Variants in DSCAML1 observed in about 807,000 individuals in gnomAD.
DSCAML1 encodes the protein cell adhesion molecule DSCAML1.
DSCAML1 carries 38 observed loss-of-function variants against 200.5 expected under a neutral mutation model. The observed-to-expected ratio is 0.19, with a 90% CI of 0.15 to 0.25. The LOEUF is 0.25. DSCAML1 is among the 10% of genes least tolerant of loss of function. The pLI is 1.00. For missense variants in DSCAML1, 2,223 were observed against 2,858.8 expected (o/e 0.78, Z 5.07); for synonymous variants, 1,215 against 1,165.0 (o/e 1.04, Z -0.87).
intron 3 of DSCAML1, among the ~76,000 whole-genome samples, chr11:117,745,794 G>A (rs1424225435): frequency 2.0e-5 from 3 of 152,204 alleles, no homozygotes; most frequent in African/African-American, 7.2e-5. Context: ...GTGACTGTAA[G>A]CAAGTTCCTT....
At position 117,503,780 on chromosome 11, in the gene DSCAML1, G is replaced by A. The variant is rs2049441026; in HGVS notation, c.2359+65C>T. ...CGGAGACTAAGAGAGTAGGCAGGGA[G>A]AGTGCAGAGCCGGGGCTTGGCTGTG... On this transcript the variant is annotated intron_variant, in intron 11 of 32. Coordinates refer to ENST00000651296, the MANE Select transcript of DSCAML1 (RefSeq NM_020693.4). The surrounding 1 kb of genome is among the most constrained non-coding windows in gnomAD (Gnocchi z 5.2). 3 of 1,514,698 alleles carry A rather than the reference G, an allele frequency of 2.0e-6. No individual in the cohort carries two copies. The South Asian group carries it at 3.8e-5, about 19-fold the overall frequency. 93.8% of individuals were successfully genotyped at this position (1,514,698 alleles called of 1,614,324 possible).
At chr11:117,493,577 G>A (rs973484461) in intron 11 of DSCAML1, among the ~76,000 whole-genome samples, 8 of 152,074 alleles carry the variant, frequency 5.3e-5, no homozygotes, top group Non-Finnish European at 1.2e-4. Context: ...GCCTCCCAAA[G>A]TGCTGGGATT....
At position 117,437,332 on chromosome 11, in the gene DSCAML1, T is replaced by A. The variant is rs1393126848; in HGVS notation, c.4510A>T (p.Asn1504Tyr). Reference protein sequence around the residue: ...THARLNLQGWNNGGCPITAIV... With the variant: ...THARLNLQGWYNGGCPITAIV... ...GCTGTGATAGGGCAGCCCCCATTGT[T>A]CCAGCCCTGCAGGTTAAGCCGAGCA... Residue 1504 changes from asparagine (N) to tyrosine (Y), a missense_variant, in exon 26 of 33, where the codon AAC becomes TAC. Physicochemically the swap from Asn to Tyr is moderately radical, Grantham distance 143. Coordinates refer to ENST00000651296, the MANE Select transcript of DSCAML1 (RefSeq NM_020693.4). The surrounding 1 kb of genome is among the most constrained non-coding windows in gnomAD (Gnocchi z 5.3). 1.2e-6 allele frequency: 2 copies of A among 1,614,108 alleles called. No individual in the cohort carries two copies. The highest frequency in any genetic ancestry group is 2.7e-5 in the African/African-American group (2 of 74,938).
chr11:117,461,777 G>A (rs746386604), intron 17 of DSCAML1, among the ~76,000 whole-genome samples, 181 bp from the exon 18 acceptor site: 25 of 152,158 alleles, frequency 1.6e-4, no homozygotes, highest in Non-Finnish European at 2.6e-4. Context: ...GAAGTGAACC[G>A]AGTTTCCTTT....
intron 31 of DSCAML1, among the ~76,000 whole-genome samples, chr11:117,431,256 T>C (rs1001385361): frequency 9.2e-5 from 14 of 152,224 alleles, no homozygotes; most frequent in African/African-American, 3.1e-4. Context: ...AACCATCCCC[T>C]GGAACATTCA....
intron 3 of DSCAML1, among the ~76,000 whole-genome samples, chr11:117,719,151 C>T (rs982759315): frequency 2.0e-5 from 3 of 152,112 alleles, no homozygotes; most frequent in Non-Finnish European, 4.4e-5. Flanking sequence ...AATAAAGAAA[C>T]TGGCCAGGCA....
At chr11:117,751,184 G>A (rs1565262625) in intron 3 of DSCAML1, among the ~76,000 whole-genome samples, 1 of 152,092 alleles carries the variant, frequency 6.6e-6, no homozygotes, top group East Asian at 1.9e-4. Context: ...TCATTGCAAT[G>A]GGTTTGATGG....
In DSCAML1 at chr11:117,640,338, C is replaced by T. The variant is rs118008650; in HGVS notation, c.512-107816G>A. On this transcript the variant is annotated intron_variant, in intron 3 of 32. Transcript: ENST00000651296. The stretch of plus-strand genomic sequence containing the variant: ...ATGACGTGCTGGGAGAACCCTGACA[C>T]CCTGACCTATGTGACCTGCTTTCAT... Among the ~76,000 whole-genome samples the T allele has an allele frequency of 6.6e-5, 10 of 152,282 alleles. No homozygotes were observed. In the East Asian group the frequency reaches 1.9e-3, roughly 29 times the overall value.
At chr11:117,432,831 G>A (rs991056581) in intron 29 of DSCAML1, among the ~76,000 whole-genome samples, 5 of 150,036 alleles carry the variant, frequency 3.3e-5, no homozygotes, top group East Asian at 2.0e-4. Flanking sequence ...GGCTTGTCTC[G>A]AACTTCTGGC....
In DSCAML1 at chr11:117,524,977, G is replaced by A. The variant is rs755009272; in HGVS notation, c.765C>T (p.Pro255=). 16 of 1,612,698 alleles carry A rather than the reference G, an allele frequency of 9.9e-6. No homozygotes were observed. The highest frequency in any genetic ancestry group is 5.5e-5 in the South Asian group (5 of 90,840). ...GGCCATCCTTGAGCCAGCGGATGGC[G>A]GGGATAGGGTAGCCCGAGGCGGTGC... is the stretch of plus-strand genomic sequence containing the variant. The part of the protein sequence containing the change: ...LPCTASGYPI[P]AIRWLKDGRP... The change falls in exon 5 of 33, where the codon CCC becomes CCT. Residue 255 remains proline (P), a synonymous_variant. Coordinates refer to ENST00000651296, the MANE Select transcript of DSCAML1 (RefSeq NM_020693.4).
chr11:117,583,862 G>C (rs2051090412), intron 3 of DSCAML1, among the ~76,000 whole-genome samples: 1 of 152,230 alleles, frequency 6.6e-6, no homozygotes, highest in Non-Finnish European at 1.5e-5. Context: ...TGGTGTGAAA[G>C]ACTGATTCAC....
chr11:117,808,661 C>A (rs374122516), intron 1 of DSCAML1, among the ~76,000 whole-genome samples: 6 of 152,312 alleles, frequency 3.9e-5, no homozygotes, highest in African/African-American at 1.2e-4. Flanking sequence ...GGTTTATGTT[C>A]TGTAGTTTCA....
intron 3 of DSCAML1, among the ~76,000 whole-genome samples, chr11:117,638,977 T>A (rs866886773): frequency 1.4e-4 from 21 of 152,190 alleles, no homozygotes; most frequent in African/African-American, 5.1e-4. Context: ...CTGCCCCATT[T>A]TATATTTTCC....
At chr11:117,757,378 C>T (rs1436810089) in intron 3 of DSCAML1, among the ~76,000 whole-genome samples, 1 of 151,982 alleles carries the variant, frequency 6.6e-6, no homozygotes, top group African/African-American at 2.4e-5. Flanking sequence ...TCTAGGATCC[C>T]AACACAATAG....
chr11:117,459,001 T>C (rs1386570558), intron 18 of DSCAML1, 92 bp from the exon 19 acceptor site: 1 of 1,499,030 alleles, frequency 6.7e-7, no homozygotes, highest in Non-Finnish European at 9.1e-7. Flanking sequence ...CCACACCTAC[T>C]GCACAGGCTC....
chr11:117,665,009 A>C (rs10892154), intron 3 of DSCAML1, among the ~76,000 whole-genome samples: 89,650 of 151,740 alleles, frequency 0.59, 26,547 homozygotes, highest in East Asian at 0.68. Flanking sequence ...TGTTTCTCTC[A>C]CTTTGCCATG....
chr11:117,505,850 G>T lies in DSCAML1; in HGVS notation c.1784-118C>A. ...TGGGCCTTGAACAAAGATCCCCTGGGGCACTGCAGCCTTGTTCTCCTATGC... is the reference window on the plus strand; with the variant it reads ...TGGGCCTTGAACAAAGATCCCCTGGTGCACTGCAGCCTTGTTCTCCTATGC... On this transcript the variant is annotated intron_variant, in intron 8 of 32. Coordinates refer to ENST00000651296, the MANE Select transcript of DSCAML1 (RefSeq NM_020693.4). The surrounding 1 kb of genome is among the most constrained non-coding windows in gnomAD (Gnocchi z 6.7). 7.9e-7 allele frequency: 1 copy of T among 1,267,066 alleles called. No individual in the cohort carries two copies. The highest frequency in any genetic ancestry group is 1.1e-6 in the Non-Finnish European group (1 of 932,782). The allele number at this position is 1,267,066 out of a possible 1,614,324, so 78.5% of individuals were successfully genotyped here. A position where few individuals can be genotyped will look rare whatever the true frequency, so the allele number is the denominator to read the frequency against.
intron 11 of DSCAML1, among the ~76,000 whole-genome samples, chr11:117,493,762 G>A (rs1331938108): frequency 6.6e-6 from 1 of 152,092 alleles, no homozygotes; most frequent in Non-Finnish European, 1.5e-5. Flanking sequence ...TCAGTAGCTG[G>A]GACTATAGGT....
At chr11:117,767,625 G>A (rs2054922341) in intron 3 of DSCAML1, among the ~76,000 whole-genome samples, 1 of 152,186 alleles carries the variant, frequency 6.6e-6, no homozygotes, top group African/African-American at 2.4e-5. Context: ...GCCAAATTAA[G>A]GACCAGCTGC....
Sources: gnomAD v4.1 joint callset for allele counts (sites outside exome capture counted in the v4.1 genomes callset) on GRCh38, gnomAD v4.1.1 for gene constraint, Gnocchi (gnomAD v3.1) non-coding constraint, MANE v1.5 for transcripts, NCBI Gene and HGNC (gene_info 2026-07-23, HGNC 2026-07-21) for gene names.